Variants in RBFOX3 observed in about 807,000 individuals in gnomAD.
The protein encoded by RBFOX3 is RNA binding fox-1 homolog 3, also known as RNA binding protein fox-1 homolog 3.
Under a neutral mutation model 48.7 loss-of-function variants are expected in RBFOX3, and 17 were observed. That is an observed-to-expected ratio of 0.35 (90% CI 0.24 to 0.52). The LOEUF (loss-of-function observed/expected upper bound fraction) is 0.52, where lower values mean the gene tolerates loss of function less well. Ranked by LOEUF, RBFOX3 falls within the 20% of genes least tolerant of loss-of-function variation. RBFOX3 has a pLI of 0.94. For synonymous variants in RBFOX3, 212 were observed against 209.5 expected, an observed-to-expected ratio of 1.01 and a Z score of -0.10; for missense variants, 382 against 497.5, an observed-to-expected ratio of 0.77 and a Z score of 2.21.
chr17:79,339,290 G>A (rs540575671), intron 2 of RBFOX3, among the ~76,000 whole-genome samples: 4 of 152,262 alleles, frequency 2.6e-5, no homozygotes, highest in African/African-American at 9.6e-5. Context: ...TCCTGAGCTC[G>A]AGTGATCCTC....
intron 2 of RBFOX3, among the ~76,000 whole-genome samples, chr17:79,452,632 C>T (rs529673484): frequency 2.0e-5 from 3 of 152,064 alleles, no homozygotes; most frequent in East Asian, 3.9e-4. Context: ...GGTCACAGAG[C>T]GGAGAGGGGA....
the RBFOX3 span, among the ~76,000 whole-genome samples, chr17:79,620,331 GCACACAGACATGCACA>G: frequency 6.1e-3 from 862 of 141,716 alleles, 13 homozygotes; most frequent in East Asian, 0.024. Context: ...ATACACGCAC[GCACACAGACATGCACA>G]CACACGGACA....
chr17:79,129,488 C>A (rs2038239990), intron 4 of RBFOX3, among the ~76,000 whole-genome samples: 1 of 103,716 alleles, frequency 9.6e-6, no homozygotes, highest in African/African-American at 3.2e-5. Context: ...CCCCCAAGCC[C>A]CCCAGGCTCC....
rs1455750095 is a variant in RBFOX3, at chr17:79,518,633, C to T, written c.-319-36035G>A. On this transcript the variant is annotated intron_variant, in intron 1 of 14. Coordinates refer to ENST00000693108, the MANE Select transcript of RBFOX3 (RefSeq NM_001350451.2). ...CCCACCACTGGAAGGGCAGGCCTGG[C>T]GGAACAGCCCCTGGGAGGAGGACCT... 1.1e-3 allele frequency among the ~76,000 whole-genome samples: 163 copies of T among 152,330 alleles called. 1 individual carries two copies. The highest frequency in any genetic ancestry group is 3.7e-3 in the African/African-American group (153 of 41,574).
the RBFOX3 span, among the ~76,000 whole-genome samples, chr17:79,648,515 T>C: frequency 6.6e-6 from 1 of 152,198 alleles, no homozygotes; most frequent in East Asian, 1.9e-4. Flanking sequence ...AGGCTGTGCC[T>C]GAAGCATGTC....
At chr17:79,354,398 G>A (rs181094478) in intron 2 of RBFOX3, among the ~76,000 whole-genome samples, 5 of 152,356 alleles carry the variant, frequency 3.3e-5, no homozygotes, top group Admixed American at 2.6e-4. Context: ...GACTGATGGG[G>A]AAATTTGCTC....
intron 2 of RBFOX3, among the ~76,000 whole-genome samples, chr17:79,330,431 G>A (rs1341569462): frequency 1.4e-5 from 2 of 147,516 alleles, no homozygotes; most frequent in Non-Finnish European, 3.0e-5. Context: ...CCCCTCCACC[G>A]AGCACAACGA....
At chr17:79,319,504 T>A (rs182497953) in intron 2 of RBFOX3, among the ~76,000 whole-genome samples, 19 of 151,040 alleles carry the variant, frequency 1.3e-4, no homozygotes, top group African/African-American at 4.7e-4. Flanking sequence ...GGCAGATTGG[T>A]CTTGTCTGGG....
chr17:79,308,282 A>C (rs924008638), intron 2 of RBFOX3, among the ~76,000 whole-genome samples: 16 of 152,286 alleles, frequency 1.1e-4, no homozygotes, highest in Middle Eastern at 3.4e-3. Flanking sequence ...TCCTAGAGGA[A>C]ATTGTAACGG....
chr17:79,547,924 T>G (rs1381743294), intron 1 of RBFOX3, among the ~76,000 whole-genome samples: 1 of 152,200 alleles, frequency 6.6e-6, no homozygotes, highest in Non-Finnish European at 1.5e-5. Context: ...GAGCAGCCAG[T>G]GGGTTCATCT....
At chr17:79,388,615 T>C (rs1235923464) in intron 2 of RBFOX3, among the ~76,000 whole-genome samples, 1 of 152,230 alleles carries the variant, frequency 6.6e-6, no homozygotes, top group Non-Finnish European at 1.5e-5. Flanking sequence ...GGAAGCTCAC[T>C]GCACAGCTGC....
chr17:79,566,896 T>C (rs2092474384), intron 1 of RBFOX3, among the ~76,000 whole-genome samples: 1 of 152,258 alleles, frequency 6.6e-6, no homozygotes, highest in South Asian at 2.1e-4. Context: ...ACCAGCAATT[T>C]GCTTCACTTG....
chr17:79,269,387 C>G (rs904783204), intron 3 of RBFOX3, among the ~76,000 whole-genome samples: 2 of 152,134 alleles, frequency 1.3e-5, no homozygotes, highest in Admixed American at 1.3e-4. Context: ...ACACAGACGC[C>G]AGGACTCAAC....
intron 2 of RBFOX3, among the ~76,000 whole-genome samples, chr17:79,427,623 C>G (rs1035020913): frequency 6.6e-6 from 1 of 152,216 alleles, no homozygotes; most frequent in Non-Finnish European, 1.5e-5. Flanking sequence ...CACTCTTAAC[C>G]GTGGAGACCC....
chr17:79,490,272 G>A (rs536465688), intron 1 of RBFOX3, among the ~76,000 whole-genome samples: 30 of 152,146 alleles, frequency 2.0e-4, no homozygotes, highest in Admixed American at 1.8e-3. Flanking sequence ...ATTATTCAAC[G>A]TATCCAACGG....
intron 1 of RBFOX3, among the ~76,000 whole-genome samples, chr17:79,502,061 C>G (rs1461885270): frequency 6.6e-6 from 1 of 152,178 alleles, no homozygotes; most frequent in Admixed American, 6.5e-5. Context: ...TCACAGGCCA[C>G]GTGACCACTA....
At chr17:79,182,882 G>A (rs1377373174) in intron 4 of RBFOX3, among the ~76,000 whole-genome samples, 1 of 148,582 alleles carries the variant, frequency 6.7e-6, no homozygotes, top group East Asian at 2.0e-4. Context: ...AGGATGCCCC[G>A]CTCCCCGCCC....
At chr17:79,589,026 C>T (rs909535804) in intron 1 of RBFOX3, among the ~76,000 whole-genome samples, 30 of 151,960 alleles carry the variant, frequency 2.0e-4, no homozygotes, top group African/African-American at 6.0e-4. Flanking sequence ...AGTGAGACCC[C>T]GTCCTGAGCT....
In RBFOX3 at chr17:79,390,200, C is replaced by T. The variant is rs1377725989; in HGVS notation, c.-174-82376G>A. 1.3e-5 allele frequency among the ~76,000 whole-genome samples: 2 copies of T among 152,238 alleles called. No homozygotes were observed. The highest frequency in any genetic ancestry group is 6.5e-5 in the Admixed American group (1 of 15,288). ...GTTCTGAGGTGTCCAACCTCCGGGA[C>T]GCTGCACTGACTTTCAAGTGCCCAG... On this transcript the variant is annotated intron_variant, in intron 2 of 14. Coordinates refer to ENST00000693108, the MANE Select transcript of RBFOX3 (RefSeq NM_001350451.2). The surrounding 1 kb of genome is among the most constrained non-coding windows in gnomAD (Gnocchi z 4.2).
Sources: allele counts gnomAD v4.1 joint callset (sites outside exome capture counted in the v4.1 genomes callset), GRCh38; gene constraint gnomAD v4.1.1; non-coding constraint Gnocchi (gnomAD v3.1); transcripts MANE v1.5; gene names NCBI Gene and HGNC (gene_info 2026-07-23, HGNC 2026-07-21).